Variants in PTCD1 observed in about 807,000 individuals in gnomAD.
The protein encoded by PTCD1 is pentatricopeptide repeat-containing protein 1, mitochondrial.
In PTCD1, 50 loss-of-function variants were observed where a neutral mutation model predicts 53.4. The observed-to-expected ratio is 0.94, with a 90% CI of 0.75 to 1.19. PTCD1 has a LOEUF of 1.19. PTCD1 is among the 50% of genes most tolerant of loss of function. PTCD1 has a pLI of 0.00. For synonymous variants in PTCD1, 413 were observed against 394.8 expected (o/e 1.05, Z -0.55); for missense variants, 918 against 904.8 (o/e 1.01, Z -0.19).
chr7:99,419,524 G>A lies in PTCD1; in HGVS notation c.*443C>T, dbSNP rs1026103588. 100 of 1,514,172 alleles carry A rather than the reference G, an allele frequency of 6.6e-5. No individual in the cohort carries two copies. Among genetic ancestry groups the A allele is most frequent in the African/African-American group, 5.5e-4 (40 of 72,950 alleles). The allele number at this position is 1,514,172 out of a possible 1,614,324, so 93.8% of individuals were successfully genotyped here. ...CCCCTTCCTGGGAGCAGCGAGCAGT[G>A]CCCCAGGCCCGAGTTGGAGCACGGT... is the stretch of plus-strand genomic sequence containing the variant. On this transcript the variant is annotated 3_prime_UTR_variant, in exon 8 of 8. Coordinates refer to ENST00000292478, the MANE Select transcript of PTCD1 (RefSeq NM_015545.4).
At position 99,429,757 on chromosome 7, in the gene PTCD1, A is replaced by G. The variant is rs760714990; in HGVS notation, c.644T>C (p.Phe215Ser). 2 of 1,614,216 alleles carry G rather than the reference A, an allele frequency of 1.2e-6. No homozygotes were observed. The highest frequency in any genetic ancestry group is 4.5e-5 in the East Asian group (2 of 44,878). Residue 215 changes from phenylalanine to serine, a missense_variant, in exon 4 of 8, where the codon TTC (phenylalanine) becomes TCC (serine). Coordinates refer to ENST00000292478, the MANE Select transcript of PTCD1 (RefSeq NM_015545.4). Reference protein sequence around the residue: ...EPSDATYTALFNVCAESPWKD... With the variant: ...EPSDATYTALSNVCAESPWKD... ...CCAGGGGGACTCGGCACAGACGTTG[A>G]ACAGGGCCGTGTAGGTGGCGTCCGA...
At chr7:99,430,195 G>C (rs770483703) in intron 3 of PTCD1, among the ~76,000 whole-genome samples, 2 of 152,234 alleles carry the variant, frequency 1.3e-5, no homozygotes, top group Non-Finnish European at 2.9e-5. Context: ...CGAAAATGGG[G>C]ATGACACCAT....
intron 5 of PTCD1, 105 bp from the exon 6 acceptor site, chr7:99,425,721 C>T: frequency 7.0e-7 from 1 of 1,422,440 alleles, no homozygotes; most frequent in African/African-American, 1.4e-5. Context: ...ATGGGAGGAT[C>T]CCTTGAGATC....
At chr7:99,434,341 G>A (rs949906397) in intron 2 of PTCD1, among the ~76,000 whole-genome samples, 5 of 151,882 alleles carry the variant, frequency 3.3e-5, no homozygotes, top group Admixed American at 1.3e-4. Flanking sequence ...AGCTACTCAG[G>A]ATGTTGAGAT....
chr7:99,425,437 C>A lies in PTCD1; in HGVS notation c.1095G>T (p.Arg365Ser), dbSNP rs1326062421. 6.2e-7 allele frequency: 1 copy of A among 1,613,886 alleles called. No individual in the cohort carries two copies. The highest frequency in any genetic ancestry group is 1.7e-5 in the Admixed American group (1 of 60,010). ...GGTTGCCTGCCTTGGCCTGGGCTGT[C>A]CTCCTTGGCCGCTGCCTGCTCACTG... ...QPPVSRQRPR[R>S]TAQAKAGNLM... The change falls in exon 6 of 8, where the codon AGG becomes AGT. Residue 365 changes from arginine (R) to serine (S), a missense_variant. By Grantham distance (110) the Arg-to-Ser change is moderately radical (BLOSUM62 -1). Transcript: ENST00000292478.
rs562296320 is a variant in PTCD1 at position 99,424,705 on chromosome 7, G to C, written c.1737+90C>G. The C allele has an allele frequency of 1.3e-4, 196 of 1,480,662 alleles. No individual in the cohort carries two copies. The Middle Eastern group carries it at 1.4e-3, about 10-fold the overall frequency. The allele number at this position is 1,480,662 out of a possible 1,614,324, so 91.7% of individuals were successfully genotyped here. ...ATGCACAGTTCATCCTCTCCAGGTG[G>C]GGGGTCTGCAGACCCCTCAAACTTT... On this transcript the variant is annotated intron_variant, in intron 6 of 7. Coordinates refer to ENST00000292478, the MANE Select transcript of PTCD1 (RefSeq NM_015545.4).
At chr7:99,425,681 C>G in intron 5 of PTCD1, 65 bp from the exon 6 acceptor site, 1 of 1,546,720 alleles carries the variant, frequency 6.5e-7, no homozygotes, top group Non-Finnish European at 8.7e-7. Context: ...AGGGCTCACG[C>G]CTGGAATCCC....
intron 4 of PTCD1, among the ~76,000 whole-genome samples, 189 bp downstream of exon 4, chr7:99,429,399 C>T (rs1299897024): frequency 1.3e-5 from 2 of 152,178 alleles, no homozygotes; most frequent in Non-Finnish European, 2.9e-5. Flanking sequence ...AAGCAGGACA[C>T]AGCACACGGT....
At chr7:99,421,127 C>A (rs1239445151) in intron 7 of PTCD1, among the ~76,000 whole-genome samples, 1 of 152,094 alleles carries the variant, frequency 6.6e-6, no homozygotes, top group African/African-American at 2.4e-5. Context: ...TTCCGCCCCC[C>A]AAAAACCCAT....
In PTCD1 at chr7:99,419,173, A is replaced by G. The variant is rs1795679404; in HGVS notation, c.*794T>C. 3.4e-6 allele frequency: 2 copies of G among 584,430 alleles called. No homozygotes were observed. Among genetic ancestry groups the G allele is most frequent in the East Asian group, 2.8e-5 (1 of 35,324 alleles). The allele number at this position is 584,430 out of a possible 1,614,324, so 36.2% of individuals were successfully genotyped here. ...TGTTGGATTTGCAGAACATATTATAAATAGACATACAGATGTAACCTCGGT... is the reference window on the plus strand; with the variant it reads ...TGTTGGATTTGCAGAACATATTATAGATAGACATACAGATGTAACCTCGGT... On this transcript the variant is annotated 3_prime_UTR_variant, in exon 8 of 8. Coordinates refer to ENST00000292478, the MANE Select transcript of PTCD1 (RefSeq NM_015545.4).
At chr7:99,421,591 A>AAG (rs1299352030) in intron 7 of PTCD1, among the ~76,000 whole-genome samples, 1 of 151,042 alleles carries the variant, frequency 6.6e-6, no homozygotes, top group Non-Finnish European at 1.5e-5. Context: ...AAAAAAAAAA[A>AAG]AAAAACCACA....
Position 99,419,273 on chromosome 7 carries a change from G to T in PTCD1, c.*694C>A. Reference sequence around the variant, plus strand: ...CCAGAGCTGTCAAGGAAGGGTTTCTGAGGTGTGTCCCTATATGGCATGGTG... The same window carrying T: ...CCAGAGCTGTCAAGGAAGGGTTTCTTAGGTGTGTCCCTATATGGCATGGTG... On this transcript the variant is annotated 3_prime_UTR_variant, in exon 8 of 8. Coordinates refer to ENST00000292478, the MANE Select transcript of PTCD1 (RefSeq NM_015545.4). 1 of 1,274,044 alleles carries T rather than the reference G, an allele frequency of 7.8e-7. No individual in the cohort carries two copies. 78.9% of individuals were successfully genotyped at this position (1,274,044 alleles called of 1,614,324 possible). A position where few individuals can be genotyped will look rare whatever the true frequency, so the allele number is the denominator to read the frequency against.
rs575259107 is a variant in PTCD1, at chr7:99,425,223, C to G, written c.1309G>C (p.Glu437Gln). 31 of 1,612,082 alleles carry G rather than the reference C, an allele frequency of 1.9e-5. No individual in the cohort carries two copies. In the South Asian group the frequency reaches 3.4e-4, roughly 18 times the overall value. ...GGGGTCAGGAGGTTGACTTCCAGCT[C>G]CACGGGAGGTGGCTTCAGGGCCACT... ...TAVALKPPPV[E>Q]LEVNLLTPGA... The change falls in exon 6 of 8, where the codon GAG becomes CAG. Residue 437 changes from glutamate (E) to glutamine (Q), a missense_variant. Glu to Gln is a conservative substitution (Grantham distance 29). Transcript: ENST00000292478.
At position 99,424,848 on chromosome 7, in the gene PTCD1, C is replaced by T. The variant is rs898638533; in HGVS notation, c.1684G>A (p.Ala562Thr). The change falls in exon 6 of 8, where the codon GCC (alanine) becomes ACC (threonine). Residue 562 changes from alanine to threonine, a missense_variant. Physicochemically the swap from Ala to Thr is moderately conservative, Grantham distance 58. Coordinates refer to ENST00000292478, the MANE Select transcript of PTCD1 (RefSeq NM_015545.4). The part of the protein sequence containing the change: ...VPNLQTFCNL[A>T]IGCHRPKDGL... ...TCCTTCGGCCTGTGGCACCCGATGG[C>T]CAGGTTGCAGAATGTCTGCAGGTTG... The T allele has an allele frequency of 5.0e-6, 8 of 1,614,260 alleles. No individual in the cohort carries two copies. Among genetic ancestry groups the T allele is most frequent in the Non-Finnish European group, 6.8e-6 (8 of 1,180,046 alleles).
Position 99,429,705 on chromosome 7 carries a change from C to T in PTCD1, c.696G>A (p.Leu232=). 6.2e-7 allele frequency: 1 copy of T among 1,614,238 alleles called. No homozygotes were observed. The highest frequency in any genetic ancestry group is 8.5e-7 in the Non-Finnish European group (1 of 1,180,042). Residue 232 remains leucine (L), a synonymous_variant, in exon 4 of 8, where the codon CTG becomes CTA. Coordinates refer to ENST00000292478, the MANE Select transcript of PTCD1 (RefSeq NM_015545.4). ...PWKDSALQSA[L]KLRQQLQAKN... ...TGGCCTGCAGCTGCTGCCGGAGCTT[C>T]AGGGCGCTCTGTAGAGCTGAGTCCT...
chr7:99,425,664 T>G (rs1161201360), intron 5 of PTCD1, 48 bp from the exon 6 acceptor site: 1 of 1,567,816 alleles, frequency 6.4e-7, no homozygotes, highest in African/African-American at 1.4e-5. Flanking sequence ...ATTCAGCAGC[T>G]GGGCGCAGGG....
intron 1 of PTCD1, among the ~76,000 whole-genome samples, chr7:99,436,500 A>G (rs935502069): frequency 6.6e-6 from 1 of 152,144 alleles, no homozygotes; most frequent in African/African-American, 2.4e-5. Flanking sequence ...CTGTAATCCC[A>G]GCTACTTGGG....
At chr7:99,435,576 T>A (rs1173621451) in intron 1 of PTCD1, among the ~76,000 whole-genome samples, 1 of 151,886 alleles carries the variant, frequency 6.6e-6, no homozygotes, top group Non-Finnish European at 1.5e-5. Flanking sequence ...GAGATGGAGC[T>A]TGCAGTGAGC....
chr7:99,423,424 G>A (rs1471145093), intron 7 of PTCD1, among the ~76,000 whole-genome samples: 1 of 152,112 alleles, frequency 6.6e-6, no homozygotes, highest in Non-Finnish European at 1.5e-5. Context: ...CAGCCAGCTG[G>A]GCATGTCTGA....
Sources: allele counts gnomAD v4.1 joint callset (sites outside exome capture counted in the v4.1 genomes callset), GRCh38; gene constraint gnomAD v4.1.1; transcripts MANE v1.5; gene names NCBI Gene and HGNC (gene_info 2026-07-23, HGNC 2026-07-21).